RPL17: variants seen among roughly 807,000 people sequenced by gnomAD.
The protein encoded by RPL17 is large ribosomal subunit protein uL22.
RPL17 carries 2 observed loss-of-function variants against 27.7 expected under a neutral mutation model. That is an observed-to-expected ratio of 0.07 (90% confidence interval 0.03 to 0.23). The LOEUF (loss-of-function observed/expected upper bound fraction) is 0.23, where lower values mean the gene tolerates loss of function less well. Among genes scored for constraint, RPL17 ranks in the 10% least tolerant of loss-of-function variants. RPL17 has a pLI of 1.00. For missense variants in RPL17, 141 were observed against 238.8 expected (o/e 0.59, Z 2.70); for synonymous variants, 76 against 75.5 (o/e 1.01, Z -0.03).
At chr18:49,489,597 G>C (rs781187192) in intron 5 of RPL17, 47 bp from the exon 6 acceptor site, 1 of 1,570,706 alleles carries the variant, frequency 6.4e-7, no homozygotes, top group Non-Finnish European at 8.7e-7. Context: ...TCCTTAATTA[G>C]TAAAACACCA....
At position 49,490,805 on chromosome 18, in the gene RPL17, G is replaced by A; in HGVS notation, c.204C>T (p.Gly68=). The A allele has an allele frequency of 6.2e-7, 1 of 1,612,786 alleles. No homozygotes were observed. Among genetic ancestry groups the A allele is most frequent in the East Asian group, 2.2e-5 (1 of 44,882 alleles). ...TAAGAATTCTCACCTGCGCACACCT[G>A]CCAACTCCACCATTGTAACGTCGGA... is the stretch of plus-strand genomic sequence containing the variant. ...VPFRRYNGGV[G]RCAQAKQWGW... Residue 68 remains glycine (G), a synonymous_variant, in exon 4 of 7, where the codon GGC becomes GGT. Coordinates refer to ENST00000580261, the MANE Select transcript of RPL17 (RefSeq NM_001035006.5).
Position 49,491,537 on chromosome 18 carries a change from G to A in RPL17, c.35C>T (p.Thr12Met). ...TCTACCTCCTGTCCACTTACATTTC[G>A]TGGGGTTCTCCGGGTCAAGTGAATA... ...VRYSLDPENP[T>M]KSCKSRGSNL... is the part of the protein sequence containing the mutation. The change falls in exon 2 of 7, where the codon ACG becomes ATG. Residue 12 changes from threonine (T) to methionine (M), a missense_variant. Physicochemically the swap from Thr to Met is moderately conservative, Grantham distance 81. Transcript: ENST00000580261. The A allele has an allele frequency of 1.2e-6, 2 of 1,614,174 alleles. No homozygotes were observed. Among genetic ancestry groups the A allele is most frequent in the Non-Finnish European group, 1.7e-6 (2 of 1,180,048 alleles).
intron 6 of RPL17, 101 bp downstream of exon 6, chr18:49,489,258 G>A: frequency 2.2e-6 from 3 of 1,335,522 alleles, no homozygotes; most frequent in Non-Finnish European, 3.1e-6. Flanking sequence ...GCTCAGAATA[G>A]TTTTCTTTCA....
chr18:49,492,021 G>A (rs1411657358), intron 1 of RPL17: 3 of 341,776 alleles, frequency 8.8e-6, no homozygotes, highest in African/African-American at 2.1e-5. Context: ...TTCGGGCTAT[G>A]ACCCACTTTA....
chr18:49,491,689 T>C (rs1314529198), intron 1 of RPL17, 105 bp from the exon 2 acceptor site: 1 of 1,392,378 alleles, frequency 7.2e-7, no homozygotes, highest in South Asian at 1.2e-5. Context: ...GTTGTTTTCA[T>C]TATTAATCCA....
intron 1 of RPL17, 66 bp from the exon 2 acceptor site, chr18:49,491,650 A>C: frequency 6.4e-7 from 1 of 1,567,528 alleles, no homozygotes; most frequent in Non-Finnish European, 8.8e-7. Context: ...TATAAATATC[A>C]GATGATTCGA....
In RPL17 at chr18:49,489,520, G is replaced by A. The variant is rs746592817; in HGVS notation, c.346C>T (p.His116Tyr). 6.2e-7 allele frequency: 1 copy of A among 1,600,930 alleles called. No homozygotes were observed. Among genetic ancestry groups the A allele is most frequent in the Non-Finnish European group, 8.5e-7 (1 of 1,179,898 alleles). The change falls in exon 6 of 7, where the codon CAT becomes TAT. Residue 116 changes from histidine to tyrosine, a missense_variant. By Grantham distance (83) the His-to-Tyr change is moderately conservative (BLOSUM62 2). Transcript: ENST00000580261. ...TTAGGTGCTTTGTTCACTTGGATAT[G>A]CTCAATGACCAGAGAATCTACATCT... ...GLDVDSLVIE[H>Y]IQVNKAPKMR...
chr18:49,489,636 C>T, intron 5 of RPL17, 86 bp from the exon 6 acceptor site: 6 of 1,414,548 alleles, frequency 4.2e-6, no homozygotes, highest in Non-Finnish European at 5.8e-6. Flanking sequence ...TATGAATTCC[C>T]AGGCTTGCTC....
intron 4 of RPL17, 74 bp downstream of exon 4, chr18:49,490,719 T>A: frequency 6.2e-7 from 1 of 1,607,544 alleles, no homozygotes; most frequent in Non-Finnish European, 8.5e-7. Context: ...AGCACAGATC[T>A]TAGCCATTCT....
chr18:49,490,957 C>A, intron 3 of RPL17, 30 bp from the exon 4 acceptor site: 1 of 1,612,310 alleles, frequency 6.2e-7, no homozygotes. Flanking sequence ...TGTTGGTTAA[C>A]TAGATCAAAG....
In RPL17 at chr18:49,490,722, G is replaced by A. The variant is rs2148822209; in HGVS notation, c.216+71C>T. 4 of 1,607,826 alleles carry A rather than the reference G, an allele frequency of 2.5e-6. No individual in the cohort carries two copies. The East Asian group carries it at 8.9e-5, about 36-fold the overall frequency. ...AATAGGTTCATCAGCACAGATCTTA[G>A]CCATTCTTATCCTATCCCATCACTT... On this transcript the variant is annotated intron_variant, in intron 4 of 6. Coordinates refer to ENST00000580261, the MANE Select transcript of RPL17 (RefSeq NM_001035006.5).
rs767280121 is a variant in RPL17 at position 49,490,492 on chromosome 18, G to T, written c.277C>A (p.His93Asn). 4 of 1,613,872 alleles carry T rather than the reference G, an allele frequency of 2.5e-6. No individual in the cohort carries two copies. Among genetic ancestry groups the T allele is most frequent in the Non-Finnish European group, 3.4e-6 (4 of 1,179,886 alleles). ...WPKKSAEFLLHMLKNAESNAE... is the reference protein window; with the variant it reads ...WPKKSAEFLLNMLKNAESNAE... The stretch of plus-strand genomic sequence containing the variant: ...TTACTCTCTGCGTTTTTAAGCATGT[G>T]CAGCAAAAATTCAGCACTCTTTTTG... Residue 93 changes from histidine to asparagine, a missense_variant, in exon 5 of 7, where the codon CAC becomes AAC. Transcript: ENST00000580261.
intron 5 of RPL17, 52 bp downstream of exon 5, chr18:49,490,402 A>G: frequency 6.3e-7 from 1 of 1,582,968 alleles, no homozygotes; most frequent in Non-Finnish European, 8.7e-7. Flanking sequence ...TGAACAGCCA[A>G]CATTAATTAA....
chr18:49,491,904 C>T (rs2148826193), intron 1 of RPL17: 2 of 450,804 alleles, frequency 4.4e-6, no homozygotes, highest in Middle Eastern at 6.7e-4. Context: ...TCGACGCATC[C>T]GCAGGGCACA....
chr18:49,491,371 AG>A, intron 3 of RPL17, 33 bp downstream of exon 3: 1 of 1,614,130 alleles, frequency 6.2e-7, no homozygotes, highest in African/African-American at 1.3e-5. Flanking sequence ...GTGGAACATG[AG>A]GAACTGTTGG....
chr18:49,489,689 T>C, intron 5 of RPL17, 139 bp from the exon 6 acceptor site: 1 of 899,522 alleles, frequency 1.1e-6, no homozygotes, highest in Non-Finnish European at 1.7e-6. Flanking sequence ...AGGCAATCCT[T>C]TTATTCTGCA....
Position 49,489,340 on chromosome 18 carries a change from C to T in RPL17, c.507+19G>A, listed in dbSNP as rs572105089. On this transcript the variant is annotated intron_variant, in intron 6 of 6. Transcript: ENST00000580261. ...ATCTTTCTACTATCACAAACAAAAC[C>T]GAGCAACTACTTATTTACCTTTTTC... is the stretch of plus-strand genomic sequence containing the variant. 3.7e-6 allele frequency: 6 copies of T among 1,613,262 alleles called. No individual in the cohort carries two copies. Among genetic ancestry groups the T allele is most frequent in the South Asian group, 3.3e-5 (3 of 90,976 alleles).
At chr18:49,491,751 G>C in intron 1 of RPL17, 167 bp from the exon 2 acceptor site, 1 of 923,922 alleles carries the variant, frequency 1.1e-6, no homozygotes, top group Non-Finnish European at 1.8e-6. Context: ...CCCACCAAGG[G>C]CTTGCTTTCC....
intron 4 of RPL17, 76 bp downstream of exon 4, chr18:49,490,717 T>TA: frequency 2.5e-6 from 4 of 1,606,482 alleles, no homozygotes; most frequent in Non-Finnish European, 3.4e-6. Flanking sequence ...TCAGCACAGA[T>TA]CTTAGCCATT....
Sources: allele counts gnomAD v4.1 joint callset, GRCh38; gene constraint gnomAD v4.1.1; transcripts MANE v1.5; gene names NCBI Gene and HGNC (gene_info 2026-07-23, HGNC 2026-07-21).